Variants in REN observed in about 807,000 individuals in gnomAD.
REN encodes the protein renin, also known as angiotensin-forming enzyme.
Under a neutral mutation model 48.6 loss-of-function variants are expected in REN, and 42 were observed. That is an observed-to-expected ratio of 0.86 (90% CI 0.68 to 1.12). REN has a LOEUF of 1.12. Among genes scored for constraint, REN ranks in the 50% most tolerant of loss-of-function variants. REN has a pLI of 0.00. For synonymous variants in REN, 196 were observed against 204.6 expected (o/e 0.96, Z 0.36); for missense variants, 443 against 527.3 (o/e 0.84, Z 1.57).
chr1:204,157,443 G>A (rs2102311630), intron 5 of REN, 74 bp from the exon 6 acceptor site: 1 of 1,605,028 alleles, frequency 6.2e-7, no homozygotes, highest in African/African-American at 1.3e-5. Context: ...GTTTGGCAGG[G>A]TGGGTGTTAT....
At chr1:204,158,107 C>T (rs1424620951) in intron 5 of REN, among the ~76,000 whole-genome samples, 6 of 143,418 alleles carry the variant, frequency 4.2e-5, no homozygotes, top group African/African-American at 1.0e-4. Flanking sequence ...TCACCCCCCA[C>T]GCCACCCCCC....
intron 1 of REN, among the ~76,000 whole-genome samples, chr1:204,164,565 C>T (rs939528922): frequency 1.7e-4 from 16 of 93,684 alleles, no homozygotes; most frequent in South Asian, 4.1e-4. Context: ...CTTCTTCAGT[C>T]TTTTTTTTTT....
chr1:204,163,307 G>A (rs1356526824), intron 1 of REN, among the ~76,000 whole-genome samples: 2 of 152,118 alleles, frequency 1.3e-5, no homozygotes, highest in African/African-American at 4.8e-5. Context: ...CCATGAACAT[G>A]AATGCAACTT....
Position 204,156,889 on chromosome 1 carries a change from G to A in REN, c.699-93C>T, listed in dbSNP as rs1658160865. The A allele has an allele frequency of 2.7e-6, 4 of 1,504,690 alleles. No homozygotes were observed. The East Asian group carries it at 9.0e-5, about 34-fold the overall frequency. 93.2% of individuals were successfully genotyped at this position (1,504,690 alleles called of 1,614,324 possible). A position where few individuals can be genotyped will look rare whatever the true frequency, so the allele number is the denominator to read the frequency against. ...GAAGGTTGCACAAGGGTGCAGGGGAGGACAGAGGGCTCTAGAGCAGAGGAA... is the reference window on the plus strand; with the variant it reads ...GAAGGTTGCACAAGGGTGCAGGGGAAGACAGAGGGCTCTAGAGCAGAGGAA... On this transcript the variant is annotated intron_variant, in intron 6 of 9. Coordinates refer to ENST00000272190, the MANE Select transcript of REN (RefSeq NM_000537.4). This position sits in a 1 kb window ranked among gnomAD's most constrained non-coding sequence, Gnocchi z 4.2.
chr1:204,155,720 C>T (rs1272199949), intron 9 of REN, 100 bp downstream of exon 9: 5 of 966,416 alleles, frequency 5.2e-6, no homozygotes, highest in African/African-American at 3.2e-5. Context: ...AGTTTGAGAA[C>T]TACAGTTCTA....
In REN at chr1:204,156,883, A is replaced by G. The variant is rs1327136208; in HGVS notation, c.699-87T>C. 5.2e-6 allele frequency: 8 copies of G among 1,546,138 alleles called. No individual in the cohort carries two copies. Among genetic ancestry groups the G allele is most frequent in the Non-Finnish European group, 7.1e-6 (8 of 1,129,346 alleles). On this transcript the variant is annotated intron_variant, in intron 6 of 9. Transcript: ENST00000272190. The surrounding 1 kb of genome is among the most constrained non-coding windows in gnomAD (Gnocchi z 4.2). ...ATTGGGGAAGGTTGCACAAGGGTGC[A>G]GGGGAGGACAGAGGGCTCTAGAGCA...
In REN at chr1:204,155,149, G is replaced by A. The variant is rs1420701887; in HGVS notation, c.1088C>T (p.Thr363Ile). The stretch of plus-strand genomic sequence containing the variant: ...GATATCCATGGCGTGGATGGCCAGT[G>A]TGCACAGCTTTTTACTACTGTAGGA... ...QESYSSKKLCTLAIHAMDIPP... is the reference protein window; with the variant it reads ...QESYSSKKLCILAIHAMDIPP... Residue 363 changes from threonine (T) to isoleucine (I), a missense_variant, in exon 10 of 10, where the codon ACA becomes ATA. Coordinates refer to ENST00000272190, the MANE Select transcript of REN (RefSeq NM_000537.4). 1 of 1,614,236 alleles carries A rather than the reference G, an allele frequency of 6.2e-7. No individual in the cohort carries two copies. Among genetic ancestry groups the A allele is most frequent in the Admixed American group, 1.7e-5 (1 of 60,034 alleles).
chr1:204,155,916 A>T lies in REN; in HGVS notation c.963T>A (p.Tyr321Ter), dbSNP rs780294356. The change falls in exon 9 of 10, where the codon TAT becomes TAA. Residue 321 changes from tyrosine (Y) to a stop codon, truncating the protein, a stop_gained and splice_region_variant. Coordinates refer to ENST00000272190, the MANE Select transcript of REN (RefSeq NM_000537.4). LOFTEE classifies it high-confidence loss of function. The part of the protein sequence containing the change: ...ALGAKKRLFD[Y>*]VVKCNEGPTL... ...TAGGGCCCTCGTTACACTTCACGAC[A>T]TACTGGGGTGGGGGGCAAAGAGAGC... The T allele has an allele frequency of 6.2e-6, 10 of 1,612,738 alleles. No individual in the cohort carries two copies. The East Asian group carries it at 1.3e-4, about 22-fold the overall frequency.
chr1:204,157,308 G>C, intron 6 of REN, 53 bp downstream of exon 6: 1 of 1,613,116 alleles, frequency 6.2e-7, no homozygotes. Context: ...TCTAGGTCAG[G>C]TGCTCGGGGA....
At chr1:204,157,225 G>A in intron 6 of REN, 136 bp downstream of exon 6, 1 of 1,194,454 alleles carries the variant, frequency 8.4e-7, no homozygotes, top group Non-Finnish European at 1.3e-6. Flanking sequence ...GCAGGAAGGA[G>A]AGACAGAGAA....
At chr1:204,161,519 G>A (rs1167439461) in intron 2 of REN, 104 bp from the exon 3 acceptor site, 63 of 1,161,326 alleles carry the variant, frequency 5.4e-5, no homozygotes, top group African/African-American at 4.7e-5. Context: ...TGGCCCAGGC[G>A]AGGTCCTATA....
intron 1 of REN, among the ~76,000 whole-genome samples, chr1:204,163,938 T>C (rs1049988622): frequency 2.6e-5 from 4 of 152,208 alleles, no homozygotes; most frequent in Admixed American, 1.3e-4. Flanking sequence ...ATGCGACCAC[T>C]GCTCAATAAA....
At chr1:204,165,792 A>G (rs917069716) in intron 1 of REN, among the ~76,000 whole-genome samples, 3 of 152,126 alleles carry the variant, frequency 2.0e-5, no homozygotes, top group African/African-American at 7.2e-5. Context: ...GGGTTTCCCC[A>G]TGTTGGCCAG....
At chr1:204,165,700 C>T (rs1439142099) in intron 1 of REN, among the ~76,000 whole-genome samples, 2 of 151,968 alleles carry the variant, frequency 1.3e-5, no homozygotes, top group Non-Finnish European at 2.9e-5. Context: ...AAACGATTCT[C>T]CTGCCTCAGC....
rs766783107 is a variant in REN at position 204,157,362 on chromosome 1, C to A, written c.697G>T (p.Glu233Ter). The change falls in exon 6 of 10, where the codon GAG (glutamate) becomes TAG (stop). Residue 233 changes from glutamate (E) to a stop codon, truncating the protein, a stop_gained and splice_region_variant. Transcript: ENST00000272190. LOFTEE classifies it high-confidence loss of function. ...VFSFYYNRDSENSQSLGGQIV... is the reference protein window; with the variant it reads ...VFSFYYNRDS The stretch of plus-strand genomic sequence containing the variant: ...CATGTGGGGGTTTTGTCTCCTTACT[C>A]GGAATCTCTGCAGAGAAAGAGAGAC... The A allele has an allele frequency of 6.2e-7, 1 of 1,614,094 alleles. No individual in the cohort carries two copies. Among genetic ancestry groups the A allele is most frequent in the Non-Finnish European group, 8.5e-7 (1 of 1,180,046 alleles).
rs1440602112 is a variant in REN, at chr1:204,160,678, A to G, written c.374T>C (p.Val125Ala). The part of the protein sequence containing the change: ...SKCSRLYTAC[V>A]YHKLFDASDS... ...CGAAGCATCGAAGAGCTTGTGATAC[A>G]CTGGCAGGGGGACAGAGGCTCAGGT... Residue 125 changes from valine to alanine, a missense_variant and splice_region_variant, in exon 4 of 10, where the codon GTG becomes GCG. Transcript: ENST00000272190. The G allele has an allele frequency of 1.2e-6, 2 of 1,609,862 alleles. No homozygotes were observed. Among genetic ancestry groups the G allele is most frequent in the South Asian group, 1.1e-5 (1 of 90,998 alleles).
At chr1:204,158,902 C>G (rs1451501242) in intron 5 of REN, among the ~76,000 whole-genome samples, 1 of 152,216 alleles carries the variant, frequency 6.6e-6, no homozygotes, top group East Asian at 1.9e-4. Context: ...ATAGCATTTA[C>G]TGAACTGATG....
chr1:204,166,166 C>T, intron 1 of REN, 30 bp downstream of exon 1: 1 of 1,592,872 alleles, frequency 6.3e-7, no homozygotes, highest in Non-Finnish European at 8.6e-7. Flanking sequence ...GCACCCCTCC[C>T]ACCCCTTCTC....
chr1:204,166,195 C>T lies in REN; in HGVS notation c.98+1G>A, dbSNP rs1658346002. The T allele has an allele frequency of 6.2e-7, 1 of 1,613,004 alleles. No individual in the cohort carries two copies. The highest frequency in any genetic ancestry group is 8.5e-7 in the Non-Finnish European group (1 of 1,179,000). On this transcript the variant is annotated splice_donor_variant, in intron 1 of 9. Transcript: ENST00000272190. LOFTEE classifies it high-confidence loss of function. ...CCTTCTCTGCCTGAGTTACCAATTA[C>T]CGTTTAAAGGTGGTGGTGTCTGTCG...
Sources: allele counts gnomAD v4.1 joint callset (sites outside exome capture counted in the v4.1 genomes callset), GRCh38; gene constraint gnomAD v4.1.1; non-coding constraint Gnocchi (gnomAD v3.1); transcripts MANE v1.5; gene names NCBI Gene and HGNC (gene_info 2026-07-23, HGNC 2026-07-21).